Variants in DSCAML1 observed in about 807,000 individuals in gnomAD.
The protein encoded by DSCAML1 is cell adhesion molecule DSCAML1.
A neutral mutation model predicts 200.5 loss-of-function variants in DSCAML1; 38 were observed. That is an observed-to-expected ratio of 0.19 (90% CI 0.15 to 0.25). DSCAML1 has a LOEUF of 0.25. DSCAML1 is among the 10% of genes least tolerant of loss of function. The pLI is 1.00. For missense variants in DSCAML1, 2,223 were observed against 2,858.8 expected, an observed-to-expected ratio of 0.78 and a Z score of 5.07; for synonymous variants, 1,215 against 1,165.0, an observed-to-expected ratio of 1.04 and a Z score of -0.87.
At chr11:117,460,894 G>T (rs1366330282) in intron 18 of DSCAML1, among the ~76,000 whole-genome samples, 2 of 152,072 alleles carry the variant, frequency 1.3e-5, no homozygotes, top group Non-Finnish European at 2.9e-5. Context: ...TGGTAGCCCT[G>T]CTTCCTCCCT....
intron 8 of DSCAML1, among the ~76,000 whole-genome samples, chr11:117,512,790 CACACACACA>C (rs2049663973): frequency 3.3e-5 from 5 of 150,744 alleles, no homozygotes; most frequent in Admixed American, 1.3e-4. Context: ...CACACACACA[CACACACACA>C]CACCCCTCCC....
intron 3 of DSCAML1, among the ~76,000 whole-genome samples, chr11:117,663,208 C>T (rs891223928): frequency 1.3e-5 from 2 of 152,212 alleles, no homozygotes; most frequent in Non-Finnish European, 2.9e-5. Flanking sequence ...GCAGAGTCAG[C>T]CCTGACAGCC....
At chr11:117,757,597 C>T (rs200849380) in intron 3 of DSCAML1, among the ~76,000 whole-genome samples, 2 of 151,264 alleles carry the variant, frequency 1.3e-5, no homozygotes, top group African/African-American at 4.9e-5. Context: ...CACACACACA[C>T]ACACACACAC....
chr11:117,739,004 C>T (rs1317232349), intron 3 of DSCAML1, among the ~76,000 whole-genome samples: 7 of 152,204 alleles, frequency 4.6e-5, no homozygotes, highest in African/African-American at 1.7e-4. Flanking sequence ...TTACCAGCTT[C>T]AAACAACACA....
At chr11:117,660,543 T>C (rs1412137544) in intron 3 of DSCAML1, among the ~76,000 whole-genome samples, 1 of 127,498 alleles carries the variant, frequency 7.8e-6, no homozygotes, top group African/African-American at 2.9e-5. Context: ...CAAAATGACT[T>C]TGCCATAAGA....
intron 16 of DSCAML1, among the ~76,000 whole-genome samples, chr11:117,465,438 C>A (rs2137161319): frequency 6.6e-6 from 1 of 152,334 alleles, no homozygotes; most frequent in South Asian, 2.1e-4. Flanking sequence ...GCATCCCCAT[C>A]TCAGGGGAAA....
intron 3 of DSCAML1, among the ~76,000 whole-genome samples, chr11:117,633,399 C>G (rs532383850): frequency 6.6e-6 from 1 of 152,164 alleles, no homozygotes; most frequent in African/African-American, 2.4e-5. Context: ...CTAAATCCAG[C>G]CTTTGCTCCC....
rs12273677 is a variant in DSCAML1 at position 117,494,280 on chromosome 11, A to G, written c.2359+9565T>C. Among the ~76,000 whole-genome samples the G allele has an allele frequency of 5.8e-3, 886 of 152,112 alleles. 7 individuals are homozygous for G. Among genetic ancestry groups the G allele is most frequent in the African/African-American group, 0.02 (832 of 41,470 alleles). ...TGGGCCATAGGTCTCCGTTGCAAGG[A>G]CTCCACTCTGCTGTTGTACCTGGAA... is the stretch of plus-strand genomic sequence containing the variant. On this transcript the variant is annotated intron_variant, in intron 11 of 32. Coordinates refer to ENST00000651296, the MANE Select transcript of DSCAML1 (RefSeq NM_020693.4).
intron 1 of DSCAML1, among the ~76,000 whole-genome samples, chr11:117,791,892 G>A (rs2055473494): frequency 6.6e-6 from 1 of 152,192 alleles, no homozygotes; most frequent in South Asian, 2.1e-4. Flanking sequence ...ACTATGTTCT[G>A]GCTACTTGAT....
At chr11:117,521,048 C>A (rs2049877056) in intron 6 of DSCAML1, 82 bp downstream of exon 6, 37 of 1,551,846 alleles carry the variant, frequency 2.4e-5, no homozygotes, top group Non-Finnish European at 3.2e-5. Context: ...TGCCTCCTGG[C>A]ATTGCTCCCA....
At chr11:117,564,535 T>C (rs1029194385) in intron 3 of DSCAML1, among the ~76,000 whole-genome samples, 1 of 152,168 alleles carries the variant, frequency 6.6e-6, no homozygotes, top group Non-Finnish European at 1.5e-5. Context: ...AGCACCCTCC[T>C]GCCTCAGACC....
At chr11:117,529,001 T>C (rs541592248) in intron 4 of DSCAML1, among the ~76,000 whole-genome samples, 181 of 125,672 alleles carry the variant, frequency 1.4e-3, no homozygotes, top group Non-Finnish European at 2.3e-3. Flanking sequence ...CTGACAATAA[T>C]AGTAGCAGCT....
At chr11:117,501,660 G>A (rs997793746) in intron 11 of DSCAML1, among the ~76,000 whole-genome samples, 1 of 152,140 alleles carries the variant, frequency 6.6e-6, no homozygotes, top group Non-Finnish European at 1.5e-5. Context: ...ATGTGTGAGA[G>A]GGAGTGTGTG....
At chr11:117,759,083 C>A (rs983585930) in intron 3 of DSCAML1, among the ~76,000 whole-genome samples, 5 of 152,194 alleles carry the variant, frequency 3.3e-5, no homozygotes, top group African/African-American at 1.2e-4. Context: ...GACCCCAATA[C>A]AAATCCACCC....
At chr11:117,456,358 T>C (rs2048368302) in intron 19 of DSCAML1, among the ~76,000 whole-genome samples, 1 of 152,208 alleles carries the variant, frequency 6.6e-6, no homozygotes. Context: ...TGCTGAAATG[T>C]TTTTGCTGGC....
rs559548891 is a variant in DSCAML1 at position 117,752,321 on chromosome 11, T to C, written c.511+24470A>G. Among the ~76,000 whole-genome samples, 20 of 152,324 alleles carry C rather than the reference T, an allele frequency of 1.3e-4. No individual in the cohort carries two copies. In the South Asian group the frequency reaches 2.9e-3, roughly 22 times the overall value. ...GGTGGAACGACAATTTATGTTTATTTACTCAGGTGACTCATGTTAGGGTCT... is the reference window on the plus strand; with the variant it reads ...GGTGGAACGACAATTTATGTTTATTCACTCAGGTGACTCATGTTAGGGTCT... On this transcript the variant is annotated intron_variant, in intron 3 of 32. Transcript: ENST00000651296.
At chr11:117,778,439 C>T (rs1229916215) in intron 2 of DSCAML1, among the ~76,000 whole-genome samples, 2 of 152,224 alleles carry the variant, frequency 1.3e-5, no homozygotes, top group Non-Finnish European at 2.9e-5. Flanking sequence ...AACAAGCGGG[C>T]CCTGCCTCCT....
At position 117,675,128 on chromosome 11, in the gene DSCAML1, T is replaced by C. The variant is rs375740774; in HGVS notation, c.511+101663A>G. Among the ~76,000 whole-genome samples, 14 of 152,342 alleles carry C rather than the reference T, an allele frequency of 9.2e-5. No homozygotes were observed. In the East Asian group the frequency reaches 2.5e-3, roughly 27 times the overall value. The stretch of plus-strand genomic sequence containing the variant: ...AGTAATAGCAACTCCTCCACAAGCA[T>C]GTGATGAAGATGTATGAGTTAACAT... On this transcript the variant is annotated intron_variant, in intron 3 of 32. Transcript: ENST00000651296.
chr11:117,638,117 T>C (rs1024699394), intron 3 of DSCAML1, among the ~76,000 whole-genome samples: 15 of 152,178 alleles, frequency 9.9e-5, no homozygotes, highest in African/African-American at 3.4e-4. Context: ...GGATGTGTTC[T>C]GGGTGGCTCC....
Sources: gnomAD v4.1 joint callset for allele counts (sites outside exome capture counted in the v4.1 genomes callset) on GRCh38, gnomAD v4.1.1 for gene constraint, MANE v1.5 for transcripts, NCBI Gene and HGNC (gene_info 2026-07-23, HGNC 2026-07-21) for gene names.